The following ZBTB20 variants were observed in gnomAD, a reference collection of about 807,000 sequenced individuals.
ZBTB20 encodes zinc finger and BTB domain-containing protein 20.
Under a neutral mutation model 56.9 loss-of-function variants are expected in ZBTB20, and 9 were observed. That is an observed-to-expected ratio of 0.16 (90% CI 0.10 to 0.28). The LOEUF (loss-of-function observed/expected upper bound fraction) is 0.28, where lower values mean the gene tolerates loss of function less well. ZBTB20 is among the 10% of genes least tolerant of loss of function. The pLI is 1.00. For missense variants in ZBTB20, 655 were observed against 1,003.0 expected (o/e 0.65, Z 4.69); for synonymous variants, 417 against 420.7 (o/e 0.99, Z 0.11).
rs147372882 is a variant in ZBTB20, at chr3:114,940,056, T to C, written c.-456+34310A>G. 8.1e-4 allele frequency among the ~76,000 whole-genome samples: 114 copies of C among 141,520 alleles called. 3 individuals carry two copies. In the East Asian group the frequency reaches 0.015, roughly 19 times the overall value. 92.8% of individuals were successfully genotyped at this position (141,520 alleles called of 152,430 possible). A position where few individuals can be genotyped will look rare whatever the true frequency, so the allele number is the denominator to read the frequency against. ...TTCACCATCATTGTAAGGAGTATCT[T>C]CTGTGTATGTAAGTATGTGTTCACT... On this transcript the variant is annotated intron_variant, in intron 3 of 11. Transcript: ENST00000675478.
At chr3:115,067,175 G>A (rs891364233) in intron 2 of ZBTB20, among the ~76,000 whole-genome samples, 1 of 151,968 alleles carries the variant, frequency 6.6e-6, no homozygotes, top group African/African-American at 2.4e-5. Context: ...TAGTAGACAG[G>A]ACTGTGTCTT....
chr3:114,977,815 G>A (rs147907302), intron 2 of ZBTB20, among the ~76,000 whole-genome samples: 1 of 151,726 alleles, frequency 6.6e-6, no homozygotes, highest in East Asian at 1.9e-4. Context: ...AAAAATTTTA[G>A]CCTGGGCAAC....
In ZBTB20 at chr3:115,013,908, ATGTGTG is replaced by A. The variant is rs35762117; in HGVS notation, c.-506-39498_-506-39493del. The stretch of plus-strand genomic sequence containing the variant: ...TACCATAAGATCCAGCAATCCCTAT[ATGTGTG>A]TGTGTGTGTGTGTGTGTGTACACTA... On this transcript the variant is annotated intron_variant, in intron 2 of 11. Coordinates refer to ENST00000675478, the MANE Select transcript of ZBTB20 (RefSeq NM_001348800.3). 1.7e-4 allele frequency among the ~76,000 whole-genome samples: 25 copies of A among 147,850 alleles called. No individual in the cohort carries two copies. The East Asian group carries it at 4.4e-3, about 26-fold the overall frequency.
chr3:114,591,341 C>T (rs2055741382), intron 6 of ZBTB20, among the ~76,000 whole-genome samples: 1 of 152,148 alleles, frequency 6.6e-6, no homozygotes, highest in Non-Finnish European at 1.5e-5. Flanking sequence ...TTTGACATTT[C>T]ACACTCTTGA....
At chr3:114,388,178 A>G (rs974362542) in intron 8 of ZBTB20, 1 of 152,262 alleles carries the variant, frequency 6.6e-6, no homozygotes, top group Non-Finnish European at 1.5e-5. Flanking sequence ...ACTTGTGAAT[A>G]TAACAACTAG....
At chr3:114,557,207 CAT>C (rs757449840) in intron 6 of ZBTB20, among the ~76,000 whole-genome samples, 5 of 151,928 alleles carry the variant, frequency 3.3e-5, no homozygotes, top group Non-Finnish European at 7.4e-5. Context: ...GATATGCTCT[CAT>C]GTGGGAATAG....
At chr3:114,458,900 A>G (rs1363109081) in intron 7 of ZBTB20, among the ~76,000 whole-genome samples, 1 of 152,210 alleles carries the variant, frequency 6.6e-6, no homozygotes, top group African/African-American at 2.4e-5. Flanking sequence ...TGCCTGCATT[A>G]TACTAAAGAA....
intron 6 of ZBTB20, among the ~76,000 whole-genome samples, chr3:114,594,232 T>C (rs1235796865): frequency 6.6e-6 from 1 of 152,012 alleles, no homozygotes; most frequent in African/African-American, 2.4e-5. Flanking sequence ...AGTGTGTCTA[T>C]AGTGATCTAC....
rs898332482 is a variant in ZBTB20 at position 114,503,577 on chromosome 3, G to T, written c.-294-3186C>A. Among the ~76,000 whole-genome samples the T allele has an allele frequency of 3.3e-5, 5 of 152,088 alleles. No homozygotes were observed. The East Asian group carries it at 9.6e-4, about 29-fold the overall frequency. ...AAGTTGTTTTTATCTGAAATGCAAA[G>T]AATTATCTATAAAAGTTTCACAGAG... On this transcript the variant is annotated intron_variant, in intron 6 of 11. Coordinates refer to ENST00000675478, the MANE Select transcript of ZBTB20 (RefSeq NM_001348800.3).
rs186736269 is a variant in ZBTB20 at position 114,549,613 on chromosome 3, C to T, written c.-294-49222G>A. Among the ~76,000 whole-genome samples the T allele has an allele frequency of 2.1e-3, 320 of 152,212 alleles. 2 individuals are homozygous for T. The highest frequency in any genetic ancestry group is 3.4e-3 in the Admixed American group (52 of 15,284). ...CAAACTATATAAGTGCTAATGATGACCAATTTAGGACATAAACAGTTTACT... is the reference window on the plus strand; with the variant it reads ...CAAACTATATAAGTGCTAATGATGATCAATTTAGGACATAAACAGTTTACT... On this transcript the variant is annotated intron_variant, in intron 6 of 11. Coordinates refer to ENST00000675478, the MANE Select transcript of ZBTB20 (RefSeq NM_001348800.3).
intron 1 of ZBTB20, among the ~76,000 whole-genome samples, chr3:115,111,005 A>AAAT: frequency 6.9e-6 from 1 of 144,748 alleles, no homozygotes; most frequent in East Asian, 2.0e-4. Context: ...AATAAAAATA[A>AAAT]AAATAAATAA....
rs1189459151 is a variant in ZBTB20, at chr3:115,077,014, G to A, written c.-702-5600C>T. Among the ~76,000 whole-genome samples the A allele has an allele frequency of 6.6e-5, 10 of 152,204 alleles. No individual in the cohort carries two copies. In the East Asian group the frequency reaches 1.2e-3, roughly 18 times the overall value. Reference sequence around the variant, plus strand: ...ATCTGACTGGATGCAGAGCTCAGGCGGTAATGCTCACTGGCCGGACACTCA... The same window carrying A: ...ATCTGACTGGATGCAGAGCTCAGGCAGTAATGCTCACTGGCCGGACACTCA... On this transcript the variant is annotated intron_variant, in intron 1 of 11. Transcript: ENST00000675478.
chr3:114,841,664 C>T (rs114687623), intron 4 of ZBTB20, among the ~76,000 whole-genome samples: 237 of 152,148 alleles, frequency 1.6e-3, no homozygotes, highest in African/African-American at 5.3e-3. Context: ...TTTCTAATGT[C>T]GGCAATTATG....
rs147733055 is a variant in ZBTB20, at chr3:114,499,111, C to T, written c.-255+1241G>A. Among the ~76,000 whole-genome samples, 162 of 152,302 alleles carry T rather than the reference C, an allele frequency of 1.1e-3. 1 individual carries two copies. Among genetic ancestry groups the T allele is most frequent in the African/African-American group, 3.9e-3 (160 of 41,552 alleles). On this transcript the variant is annotated intron_variant, in intron 7 of 11. Coordinates refer to ENST00000675478, the MANE Select transcript of ZBTB20 (RefSeq NM_001348800.3). ...GCAGATATAAAGTGGTAACCATAAG[C>T]ATGCATATTGACATCCTCCAAAGCA...
chr3:114,745,863 C>T (rs2067002598), intron 5 of ZBTB20, among the ~76,000 whole-genome samples: 1 of 152,060 alleles, frequency 6.6e-6, no homozygotes, highest in South Asian at 2.1e-4. Flanking sequence ...CAAAAATTCA[C>T]CTGTATTAAG....
At chr3:115,016,346 T>C (rs2079957412) in intron 2 of ZBTB20, among the ~76,000 whole-genome samples, 1 of 152,014 alleles carries the variant, frequency 6.6e-6, no homozygotes, top group Non-Finnish European at 1.5e-5. Context: ...ATTTTGCTTT[T>C]GTTGCAATTG....
chr3:114,619,569 A>G (rs572664793), intron 6 of ZBTB20, among the ~76,000 whole-genome samples: 48 of 152,060 alleles, frequency 3.2e-4, no homozygotes, highest in Non-Finnish European at 5.0e-4. Context: ...GATTCTTGTC[A>G]GCACAATACC....
intron 1 of ZBTB20, among the ~76,000 whole-genome samples, chr3:115,089,689 A>AT (rs570139796): frequency 6.5e-4 from 98 of 151,890 alleles, no homozygotes; most frequent in South Asian, 1.4e-3. Flanking sequence ...GAATTTGGCA[A>AT]TTTTTTCTGT....
chr3:114,456,868 C>G (rs2092050420), intron 7 of ZBTB20, among the ~76,000 whole-genome samples: 1 of 152,208 alleles, frequency 6.6e-6, no homozygotes, highest in African/African-American at 2.4e-5. Context: ...TCAGCAACAA[C>G]ATTGCTACTT....
Sources: allele counts gnomAD v4.1 joint callset (sites outside exome capture counted in the v4.1 genomes callset), GRCh38; gene constraint gnomAD v4.1.1; transcripts MANE v1.5; gene names NCBI Gene and HGNC (gene_info 2026-07-23, HGNC 2026-07-21).